The following MYO15A variants were observed in gnomAD, a reference collection of about 807,000 sequenced individuals.
The protein encoded by MYO15A is myosin XVA, also known as unconventional myosin-XV.
Under a neutral mutation model 394.6 loss-of-function variants are expected in MYO15A, and 308 were observed. The ratio of observed to expected loss-of-function variants is 0.78; its 90% CI spans 0.71 to 0.86. MYO15A has a LOEUF of 0.86. Among genes scored for constraint, MYO15A ranks in the 40% least tolerant of loss-of-function variants. The pLI, the probability that MYO15A is intolerant of heterozygous loss-of-function variation, is 0.00. For missense variants in MYO15A, 4,606 were observed against 4,799.1 expected (o/e 0.96, Z 1.19); for synonymous variants, 1,957 against 2,003.8 (o/e 0.98, Z 0.62).
At chr17:18,137,069 G>T (rs973714292) in intron 15 of MYO15A, among the ~76,000 whole-genome samples, 25 of 152,344 alleles carry the variant, frequency 1.6e-4, no homozygotes, top group African/African-American at 6.0e-4. Context: ...GGGGTGGCGG[G>T]TCATGAGGTC....
chr17:18,174,262 T>G (rs1477820756), intron 65 of MYO15A, among the ~76,000 whole-genome samples: 1 of 152,126 alleles, frequency 6.6e-6, no homozygotes, highest in Non-Finnish European at 1.5e-5. Context: ...GTGTGACAGA[T>G]GGTGAAACTG....
Position 18,150,737 on chromosome 17 carries a change from C to G in MYO15A, c.7367C>G (p.Ala2456Gly), listed in dbSNP as rs199953758. ...LDASTLALQQ[A>G]FIHKQAVLLA... The stretch of plus-strand genomic sequence containing the variant: ...GCCTCCACATTGGCTCTGCAGCAAG[C>G]CTTCATCCACAAACAGGCCGTGCTG... The change falls in exon 37 of 66, where the codon GCC (alanine) becomes GGC (glycine). Residue 2456 changes from alanine to glycine, a missense_variant. Ala to Gly is a moderately conservative substitution (Grantham distance 60). Around this residue, in one of 2 missense-constraint regions of MYO15A, gnomAD observed 2,776 missense variants for 3,109.3 expected, o/e 0.89. Transcript: ENST00000647165. The surrounding 1 kb of genome is among the most constrained non-coding windows in gnomAD (Gnocchi z 4.4). The G allele has an allele frequency of 1.5e-4, 243 of 1,588,312 alleles. No individual in the cohort carries two copies. The highest frequency in any genetic ancestry group is 3.5e-5 in the Admixed American group (2 of 57,018).
At chr17:18,139,378 T>G in intron 18 of MYO15A, 156 bp from the exon 19 acceptor site, 2 of 870,816 alleles carry the variant, frequency 2.3e-6, no homozygotes, top group Non-Finnish European at 3.7e-6. Context: ...AGGTTGGTCA[T>G]GAGAAGCCAT....
At chr17:18,136,183 T>C (rs892478002) in intron 13 of MYO15A, among the ~76,000 whole-genome samples, 4 of 152,166 alleles carry the variant, frequency 2.6e-5, no homozygotes, top group Non-Finnish European at 4.4e-5. Context: ...GTTGATCTCA[T>C]TGTATCTGCT....
rs9916193 is a variant in MYO15A at position 18,153,901 on chromosome 17, C to T, written c.8088+5C>T. On this transcript the variant is annotated splice_donor_5th_base_variant and intron_variant, in intron 43 of 65. Coordinates refer to ENST00000647165, the MANE Select transcript of MYO15A (RefSeq NM_016239.4). This position sits in a 1 kb window ranked among gnomAD's most constrained non-coding sequence, Gnocchi z 4.1. ...AAGATCTTCCTGCGCAAAGAGGTGC[C>T]GAGCACAGCCGTAGCCAGGGGAGGG... The T allele has an allele frequency of 1.4e-5, 22 of 1,613,050 alleles. No homozygotes were observed. Among genetic ancestry groups the T allele is most frequent in the African/African-American group, 2.7e-5 (2 of 74,776 alleles).
In MYO15A at chr17:18,120,482, TTGGCCGCCCCG is replaced by T; in HGVS notation, c.1685_1695del (p.Gly562AlafsTer414). 6.4e-7 allele frequency: 1 copy of T among 1,573,870 alleles called. No homozygotes were observed. Among genetic ancestry groups the T allele is most frequent in the Non-Finnish European group, 8.6e-7 (1 of 1,163,564 alleles). On this transcript the variant is annotated frameshift_variant, in exon 2 of 66. Transcript: ENST00000647165. LOFTEE classifies it high-confidence loss of function. Reference sequence around the variant, plus strand: ...CGGGGCCTGGGCTTCGGCCCTGAGTTTGGCCGCCCCGTGCCTCGCCCTGCCACCTCGCTTGC... The same window carrying T: ...CGGGGCCTGGGCTTCGGCCCTGAGTTTGCCTCGCCCTGCCACCTCGCTTGC...
intron 60 of MYO15A, among the ~76,000 whole-genome samples, chr17:18,166,052 G>T (rs2046849505): frequency 6.6e-6 from 1 of 152,210 alleles, no homozygotes; most frequent in Admixed American, 6.5e-5. Flanking sequence ...CCCAGATCCA[G>T]GCAGGCCACA....
In MYO15A at chr17:18,132,229, C is replaced by T. The variant is rs1156553819; in HGVS notation, c.4207-224C>T. ...TATTTCTCCTAACCAAATAAAATCC[C>T]ACCAGAACCCTCTCAAACTTCAATC... On this transcript the variant is annotated intron_variant, in intron 10 of 65. Transcript: ENST00000647165. This position sits in a 1 kb window ranked among gnomAD's most constrained non-coding sequence, Gnocchi z 4.6. Among the ~76,000 whole-genome samples the T allele has an allele frequency of 6.6e-6, 1 of 152,230 alleles. No homozygotes were observed. The highest frequency in any genetic ancestry group is 2.4e-5 in the African/African-American group (1 of 41,454).
In MYO15A at chr17:18,121,149, G is replaced by A. The variant is rs780955252; in HGVS notation, c.2349G>A (p.Ser783=). The change falls in exon 2 of 66, where the codon TCG becomes TCA. Residue 783 remains serine, a synonymous_variant. Coordinates refer to ENST00000647165, the MANE Select transcript of MYO15A (RefSeq NM_016239.4). The surrounding 1 kb of genome is among the most constrained non-coding windows in gnomAD (Gnocchi z 5.3). ...LASPQPSLRS[S]PGLGYCSPLA... is the part of the protein sequence containing the mutation. ...CGCCCCAGCCCTCGCTGAGGAGCTC[G>A]CCGGGCCTCGGCTACTGCTCACCCT... 4.6e-6 allele frequency: 7 copies of A among 1,510,840 alleles called. No individual in the cohort carries two copies. The highest frequency in any genetic ancestry group is 1.4e-5 in the African/African-American group (1 of 69,432). 93.6% of individuals were successfully genotyped at this position (1,510,840 alleles called of 1,614,324 possible).
intron 1 of MYO15A, 45 bp from the exon 2 acceptor site, chr17:18,118,537 C>A: frequency 1.8e-6 from 1 of 541,786 alleles, no homozygotes; most frequent in Non-Finnish European, 3.3e-6. Context: ...GCAGGCTTCC[C>A]CATCCTGGTA....
In MYO15A at chr17:18,172,210, T is replaced by G. The variant is rs769890323; in HGVS notation, c.10270T>G (p.Cys3424Gly). The G allele has an allele frequency of 1.2e-6, 2 of 1,614,248 alleles. No homozygotes were observed. Among genetic ancestry groups the G allele is most frequent in the South Asian group, 2.2e-5 (2 of 91,090 alleles). The change falls in exon 64 of 66, where the codon TGC (cysteine) becomes GGC (glycine). Residue 3424 changes from cysteine (C) to glycine (G), a missense_variant. By Grantham distance (159) the Cys-to-Gly change is radical. Around this residue, in one of 2 missense-constraint regions of MYO15A, gnomAD observed 2,776 missense variants for 3,109.3 expected, o/e 0.89. Transcript: ENST00000647165. ...CTCCTCCTTCTTCTTCATCCAGAGC[T>G]GCAGCAACATTGCTGTGCCAGCCCC... is the stretch of plus-strand genomic sequence containing the variant. The part of the protein sequence containing the change: ...FGSSFFFIQS[C>G]SNIAVPAPCI...
At chr17:18,156,891 C>T (rs2046683686) in intron 48 of MYO15A, 63 bp from the exon 49 acceptor site, 1 of 1,412,050 alleles carries the variant, frequency 7.1e-7, no homozygotes. Flanking sequence ...GCAGGGGTGG[C>T]CCTAGGCCTC....
chr17:18,170,720 C>T (rs1381365557), intron 62 of MYO15A, among the ~76,000 whole-genome samples: 7 of 152,274 alleles, frequency 4.6e-5, no homozygotes, highest in Non-Finnish European at 1.0e-4. Context: ...GCAGGAAGCA[C>T]ATAAAGATAT....
In MYO15A at chr17:18,120,884, G is replaced by T; in HGVS notation, c.2084G>T (p.Gly695Val). 7.3e-7 allele frequency: 1 copy of T among 1,363,132 alleles called. No homozygotes were observed. Among genetic ancestry groups the T allele is most frequent in the Non-Finnish European group, 9.4e-7 (1 of 1,058,332 alleles). The allele number at this position is 1,363,132 out of a possible 1,614,324, so 84.4% of individuals were successfully genotyped here. ...CTGCCCCGGCCGGCCTCGCCCTACG[G>T]CTCCCTCCGCCGCCACCCGCCGCCC... ...SGLPRPASPY[G>V]SLRRHPPPWA... The change falls in exon 2 of 66, where the codon GGC (glycine) becomes GTC (valine). Residue 695 changes from glycine to valine, a missense_variant. By Grantham distance (109) the Gly-to-Val change is moderately radical. Transcript: ENST00000647165.
chr17:18,111,719 A>G (rs991549413), intron 1 of MYO15A, among the ~76,000 whole-genome samples: 4 of 152,252 alleles, frequency 2.6e-5, no homozygotes, highest in African/African-American at 9.6e-5. Context: ...CTCCTCACTC[A>G]GAGCAGACAG....
At chr17:18,177,822 G>A (rs889378665) in intron 65 of MYO15A, 1 of 152,222 alleles carries the variant, frequency 6.6e-6, no homozygotes, top group African/African-American at 2.4e-5. Flanking sequence ...CACTCAGAGT[G>A]CGCCTCTAAC....
Position 18,163,229 on chromosome 17 carries a change from A to G in MYO15A, c.9613-15A>G. On this transcript the variant is annotated splice_polypyrimidine_tract_variant and intron_variant, in intron 58 of 65. Transcript: ENST00000647165. ...GGACCCAACCTGTCATCCCTCTCCC[A>G]CCTATCTACCCCAGGCAGGCCGCAG... The G allele has an allele frequency of 6.2e-7, 1 of 1,613,686 alleles. No individual in the cohort carries two copies. The highest frequency in any genetic ancestry group is 8.5e-7 in the Non-Finnish European group (1 of 1,179,628).
At chr17:18,128,322 C>T (rs1402130313) in intron 7 of MYO15A, among the ~76,000 whole-genome samples, 1 of 152,176 alleles carries the variant, frequency 6.6e-6, no homozygotes, top group East Asian at 1.9e-4. Context: ...GAAGGTGGGA[C>T]TGGCCTGCCA....
chr17:18,159,836 C>A (rs767195603), intron 55 of MYO15A, 99 bp from the exon 56 acceptor site: 9 of 1,470,596 alleles, frequency 6.1e-6, no homozygotes, highest in Admixed American at 3.8e-5. Flanking sequence ...GAAAGGGACA[C>A]CAGGCCTGTC....
Sources: gnomAD v4.1 joint callset for allele counts (sites outside exome capture counted in the v4.1 genomes callset) on GRCh38, gnomAD v4.1.1 for gene constraint, gnomAD v4.1.1 regional missense constraint, Gnocchi (gnomAD v3.1) non-coding constraint, MANE v1.5 for transcripts, NCBI Gene and HGNC (gene_info 2026-07-23, HGNC 2026-07-21) for gene names.